The following CELSR1 variants were observed in gnomAD, a reference collection of about 807,000 sequenced individuals.
CELSR1 encodes the protein cadherin EGF LAG seven-pass G-type receptor 1, also known as adhesion G protein-coupled receptor C1.
In CELSR1, 110 loss-of-function variants were observed where a neutral mutation model predicts 249.1. The observed-to-expected ratio is 0.44, with a 90% CI of 0.38 to 0.52. The LOEUF (loss-of-function observed/expected upper bound fraction) is 0.52, where lower values mean the gene tolerates loss of function less well. CELSR1 is among the 20% of genes least tolerant of loss of function. The pLI, the probability that CELSR1 is intolerant of heterozygous loss-of-function variation, is 0.00. For synonymous variants in CELSR1, 2,113 were observed against 1,900.0 expected, an observed-to-expected ratio of 1.11 and a Z score of -2.92; for missense variants, 4,109 against 4,296.4, an observed-to-expected ratio of 0.96 and a Z score of 1.22.
intron 1 of CELSR1, among the ~76,000 whole-genome samples, chr22:46,501,010 AT>A (rs1202144610): frequency 8.6e-5 from 13 of 151,416 alleles, no homozygotes; most frequent in Admixed American, 5.3e-4. Context: ...TTATTTATTT[AT>A]TTTATTTTAT....
intron 5 of CELSR1, among the ~76,000 whole-genome samples, chr22:46,414,524 G>A (rs8137896): frequency 0.015 from 2,280 of 150,044 alleles, 51 homozygotes; most frequent in Middle Eastern, 0.05. Flanking sequence ...TGGGTTTAAC[G>A]CGCAGGCTAA....
intron 2 of CELSR1, among the ~76,000 whole-genome samples, chr22:46,455,148 C>A (rs1415837879): frequency 6.6e-6 from 1 of 152,218 alleles, no homozygotes; most frequent in African/African-American, 2.4e-5. Flanking sequence ...AGGCCCTCTC[C>A]TAAAGCCTTC....
chr22:46,389,788 T>C (rs1235255339), intron 17 of CELSR1, among the ~76,000 whole-genome samples: 1 of 148,710 alleles, frequency 6.7e-6, no homozygotes, highest in East Asian at 1.9e-4. Context: ...TATGTCTCTA[T>C]TTTAAAAATA....
rs111288272 is a variant in CELSR1, at chr22:46,408,622, A to G, written c.5226+374T>C. Reference sequence around the variant, plus strand: ...AGTGTTGGGATTACAGGCATGAGCCACCACCCCGGCCTGCACCTGGCTGCA... The same window carrying G: ...AGTGTTGGGATTACAGGCATGAGCCGCCACCCCGGCCTGCACCTGGCTGCA... On this transcript the variant is annotated intron_variant, in intron 9 of 34. Transcript: ENST00000674500. The surrounding 1 kb of genome is among the most constrained non-coding windows in gnomAD (Gnocchi z 4.6). Among the ~76,000 whole-genome samples the G allele has an allele frequency of 0.069, 10,439 of 152,242 alleles. 485 individuals carry two copies. Among genetic ancestry groups the G allele is most frequent in the Non-Finnish European group, 0.1 (6,936 of 67,990 alleles).
chr22:46,532,591 C>T (rs71313055), intron 1 of CELSR1, among the ~76,000 whole-genome samples: 1,801 of 152,318 alleles, frequency 0.012, 15 homozygotes, highest in Non-Finnish European at 0.019. Context: ...CCTAATAACT[C>T]ACTGTTTAAA....
intron 5 of CELSR1, among the ~76,000 whole-genome samples, chr22:46,425,141 C>T (rs945925312): frequency 6.6e-6 from 1 of 152,198 alleles, no homozygotes; most frequent in African/African-American, 2.4e-5. Flanking sequence ...CACCCAGTGA[C>T]GGCCATCTGG....
intron 1 of CELSR1, among the ~76,000 whole-genome samples, chr22:46,510,419 A>G (rs2080561346): frequency 6.6e-6 from 1 of 152,064 alleles, no homozygotes; most frequent in Admixed American, 6.6e-5. Flanking sequence ...AGCCAGACAC[A>G]CAAACAGTCC....
intron 2 of CELSR1, among the ~76,000 whole-genome samples, chr22:46,439,639 T>C (rs1057276295): frequency 2.6e-5 from 4 of 152,020 alleles, no homozygotes; most frequent in East Asian, 1.9e-4. Context: ...GTGGGCAAAC[T>C]AAGGATGGTG....
At position 46,506,173 on chromosome 22, in the gene CELSR1, CAAAAAAAAA is replaced by C. The variant is rs59470297; in HGVS notation, c.3544+27445_3544+27453del. On this transcript the variant is annotated intron_variant, in intron 1 of 34. Transcript: ENST00000674500. This position sits in a 1 kb window ranked among gnomAD's most constrained non-coding sequence, Gnocchi z 4.1. ...CAGCCTGGGCGACAGAGACTGTCTC[CAAAAAAAAA>C]AAAAAAAAAAAGAAAAAGAAAGAAA... Among the ~76,000 whole-genome samples the C allele has an allele frequency of 3.5e-4, 48 of 137,032 alleles. 1 individual carries two copies. Among genetic ancestry groups the C allele is most frequent in the Non-Finnish European group, 2.5e-4 (16 of 64,130 alleles). The allele number at this position is 137,032 out of a possible 152,430, so 89.9% of individuals were successfully genotyped here. A position where few individuals can be genotyped will look rare whatever the true frequency, so the allele number is the denominator to read the frequency against.
intron 5 of CELSR1, among the ~76,000 whole-genome samples, chr22:46,432,504 C>A (rs1010019772): frequency 1.3e-5 from 2 of 152,194 alleles, no homozygotes; most frequent in Admixed American, 6.5e-5. Context: ...CACGCAGACC[C>A]ACGAGCAAGC....
Position 46,448,085 on chromosome 22 carries a change from C to T in CELSR1, c.4184-8674G>A, listed in dbSNP as rs2079841045. Among the ~76,000 whole-genome samples the T allele has an allele frequency of 6.6e-6, 1 of 152,200 alleles. No homozygotes were observed. The highest frequency in any genetic ancestry group is 1.5e-5 in the Non-Finnish European group (1 of 68,046). The stretch of plus-strand genomic sequence containing the variant: ...AGACCCTAGCACCAAAGCCATCAAC[C>T]CTTGGCCTAAGGGGCTTCCAGAAAA... On this transcript the variant is annotated intron_variant, in intron 2 of 34. Transcript: ENST00000674500. The surrounding 1 kb of genome is among the most constrained non-coding windows in gnomAD (Gnocchi z 5.7).
intron 32 of CELSR1, 70 bp from the exon 33 acceptor site, chr22:46,364,806 G>C (rs9627423): frequency 0.065 from 95,359 of 1,465,346 alleles, 4,634 homozygotes; most frequent in African/African-American, 0.24. Flanking sequence ...AGAGCCATGG[G>C]TCTGGTGGCT....
rs1359740843 is a variant in CELSR1 at position 46,441,982 on chromosome 22, C to T, written c.4184-2571G>A. 2.0e-5 allele frequency among the ~76,000 whole-genome samples: 3 copies of T among 152,142 alleles called. No homozygotes were observed. Among genetic ancestry groups the T allele is most frequent in the African/African-American group, 7.2e-5 (3 of 41,420 alleles). Reference sequence around the variant, plus strand: ...TAACCAACATGGTGAAACCTCATCTCTACTAAAAATACAAAATTAGCTGGG... The same window carrying T: ...TAACCAACATGGTGAAACCTCATCTTTACTAAAAATACAAAATTAGCTGGG... On this transcript the variant is annotated intron_variant, in intron 2 of 34. Transcript: ENST00000674500. The surrounding 1 kb of genome is among the most constrained non-coding windows in gnomAD (Gnocchi z 6.1).
At position 46,363,346 on chromosome 22, in the gene CELSR1, T is replaced by G; in HGVS notation, c.9036-99A>C. ...CACACGGGGGGGCAGGATCACCCCA[T>G]CAGGGTAGAGGGGGCGTCTGGGGGC... On this transcript the variant is annotated intron_variant, in intron 34 of 34. Coordinates refer to ENST00000674500, the MANE Select transcript of CELSR1 (RefSeq NM_001378328.1). The surrounding 1 kb of genome is among the most constrained non-coding windows in gnomAD (Gnocchi z 4.3). 17 of 970,242 alleles carry G rather than the reference T, an allele frequency of 1.8e-5. No individual in the cohort carries two copies. Among genetic ancestry groups the G allele is most frequent in the East Asian group, 8.4e-5 (3 of 35,832 alleles). 60.1% of individuals were successfully genotyped at this position (970,242 alleles called of 1,614,324 possible). A position where few individuals can be genotyped will look rare whatever the true frequency, so the allele number is the denominator to read the frequency against.
In CELSR1 at chr22:46,397,384, G is replaced by T. The variant is rs182427614; in HGVS notation, c.5701+290C>A. Among the ~76,000 whole-genome samples the T allele has an allele frequency of 5.9e-3, 859 of 146,752 alleles. 6 individuals carry two copies. The highest frequency in any genetic ancestry group is 0.018 in the Middle Eastern group (5 of 280). ...GATCCACCCACCTCGGCCTCCCAAA[G>T]TGCTGGGATTACAGGTATGAGCCAC... On this transcript the variant is annotated intron_variant, in intron 12 of 34. Coordinates refer to ENST00000674500, the MANE Select transcript of CELSR1 (RefSeq NM_001378328.1).
Position 46,390,274 on chromosome 22 carries a change from G to C in CELSR1, c.6345+118C>G. 1 of 817,750 alleles carries C rather than the reference G, an allele frequency of 1.2e-6. No homozygotes were observed. Among genetic ancestry groups the C allele is most frequent in the Non-Finnish European group, 1.9e-6 (1 of 528,950 alleles). 50.7% of individuals were successfully genotyped at this position (817,750 alleles called of 1,614,324 possible). On this transcript the variant is annotated intron_variant, in intron 17 of 34. Coordinates refer to ENST00000674500, the MANE Select transcript of CELSR1 (RefSeq NM_001378328.1). The surrounding 1 kb of genome is among the most constrained non-coding windows in gnomAD (Gnocchi z 6.3). ...TGCGGGCCCGTGGGGCTGTCCCTGCGCCATCCCAGCCGCCCCAACACTCCC... is the reference window on the plus strand; with the variant it reads ...TGCGGGCCCGTGGGGCTGTCCCTGCCCCATCCCAGCCGCCCCAACACTCCC...
In CELSR1 at chr22:46,520,176, CT is replaced by C. The variant is rs556871842; in HGVS notation, c.3544+13450del. Among the ~76,000 whole-genome samples, 918 of 152,040 alleles carry C rather than the reference CT, an allele frequency of 6.0e-3. 7 individuals carry two copies. Among genetic ancestry groups the C allele is most frequent in the Non-Finnish European group, 0.011 (747 of 67,932 alleles). Reference sequence around the variant, plus strand: ...GGCGTGAGCCACTGCGCCCAGCCCCCTATTGCCATTTGTGATCTCAAGACAT... The same window carrying C: ...GGCGTGAGCCACTGCGCCCAGCCCCCATTGCCATTTGTGATCTCAAGACAT... On this transcript the variant is annotated intron_variant, in intron 1 of 34. Transcript: ENST00000674500.
In CELSR1 at chr22:46,401,097, G is replaced by A. The variant is rs1016039578; in HGVS notation, c.5227-1195C>T. 6.6e-6 allele frequency among the ~76,000 whole-genome samples: 1 copy of A among 152,118 alleles called. No individual in the cohort carries two copies. On this transcript the variant is annotated intron_variant, in intron 9 of 34. Coordinates refer to ENST00000674500, the MANE Select transcript of CELSR1 (RefSeq NM_001378328.1). The surrounding 1 kb of genome is among the most constrained non-coding windows in gnomAD (Gnocchi z 4.7). ...GAAGCGCCAAGAACAAGCCCCATTAGGCTTTTAAGTACTGGGACCCAGCTC... is the reference window on the plus strand; with the variant it reads ...GAAGCGCCAAGAACAAGCCCCATTAAGCTTTTAAGTACTGGGACCCAGCTC...
intron 1 of CELSR1, among the ~76,000 whole-genome samples, chr22:46,489,359 G>T (rs2080346033): frequency 6.6e-6 from 1 of 151,598 alleles, no homozygotes; most frequent in Non-Finnish European, 1.5e-5. Flanking sequence ...CCACCCTCCT[G>T]TCCTGGCTTG....
Sources: gnomAD v4.1 joint callset for allele counts (sites outside exome capture counted in the v4.1 genomes callset) on GRCh38, gnomAD v4.1.1 for gene constraint, Gnocchi (gnomAD v3.1) non-coding constraint, MANE v1.5 for transcripts, NCBI Gene and HGNC (gene_info 2026-07-23, HGNC 2026-07-21) for gene names.